The following LRRIQ4 variants were observed in gnomAD, a reference collection of about 807,000 sequenced individuals.
LRRIQ4 encodes leucine-rich repeat and IQ domain-containing protein 4.
LRRIQ4 carries 21 observed loss-of-function variants against 40.1 expected under a neutral mutation model. That is an observed-to-expected ratio of 0.52 (90% CI 0.37 to 0.75). The LOEUF is 0.75. LRRIQ4 is among the 30% of genes least tolerant of loss of function. The pLI is 0.00. For synonymous variants in LRRIQ4, 277 were observed against 277.1 expected, an observed-to-expected ratio of 1.00 and a Z score of 0.00; for missense variants, 655 against 660.0, an observed-to-expected ratio of 0.99 and a Z score of 0.08.
intron 2 of LRRIQ4, among the ~76,000 whole-genome samples, chr3:169,825,486 C>A (rs1560612494): frequency 6.6e-6 from 1 of 152,154 alleles, no homozygotes; most frequent in Non-Finnish European, 1.5e-5. Context: ...TTTTGAGGTT[C>A]CGTGAGAGCC....
chr3:169,834,467 G>A (rs1780261259), intron 5 of LRRIQ4, among the ~76,000 whole-genome samples: 1 of 152,210 alleles, frequency 6.6e-6, no homozygotes, highest in Non-Finnish European at 1.5e-5. Context: ...TTGAAAAACT[G>A]TGCACCCTCT....
chr3:169,828,044 A>G (rs1285750646), intron 2 of LRRIQ4, among the ~76,000 whole-genome samples: 1 of 152,208 alleles, frequency 6.6e-6, no homozygotes. Flanking sequence ...TTTCAACTGA[A>G]GTTTCAAAAT....
chr3:169,821,633 T>C (rs1455893404), intron 1 of LRRIQ4, among the ~76,000 whole-genome samples: 1 of 151,338 alleles, frequency 6.6e-6, no homozygotes, highest in Admixed American at 6.6e-5. Flanking sequence ...AAAGCGAAAC[T>C]CCGTCTCAAA....
chr3:169,835,364 C>CTTTGTGTGTGTGTGTGTGTGTGTG (rs56344833), intron 5 of LRRIQ4, among the ~76,000 whole-genome samples: 2 of 146,396 alleles, frequency 1.4e-5, no homozygotes, highest in African/African-American at 2.5e-5. Flanking sequence ...TTGTCTTTTT[C>CTTTGTGTGTGTGTGTGTGTGTGTG]TGTGTGTGTG....
rs189675784 is a variant in LRRIQ4 at position 169,815,291 on chromosome 3, G to T, written c.-32+2245G>T. Among the ~76,000 whole-genome samples, 86 of 151,614 alleles carry T rather than the reference G, an allele frequency of 5.7e-4. 1 individual carries two copies. In the East Asian group the frequency reaches 0.015, roughly 27 times the overall value. On this transcript the variant is annotated intron_variant, in intron 1 of 5. Coordinates refer to ENST00000340806, the MANE Select transcript of LRRIQ4 (RefSeq NM_001080460.3). ...AACATAAAATATCTTTCCTTTTTTT[G>T]TGTGTGTGTCCTCTTTAATTTCTTA...
intron 1 of LRRIQ4, among the ~76,000 whole-genome samples, chr3:169,814,028 T>C (rs1476352137): frequency 1.3e-5 from 2 of 152,080 alleles, no homozygotes; most frequent in Admixed American, 1.3e-4. Flanking sequence ...AGTTTTGCTG[T>C]GTATAGGCGG....
intron 2 of LRRIQ4, among the ~76,000 whole-genome samples, chr3:169,823,383 TA>T (rs1779963813): frequency 6.6e-6 from 1 of 151,186 alleles, no homozygotes; most frequent in Admixed American, 6.6e-5. Flanking sequence ...AGTCTAGCTC[TA>T]TTGCACAGGC....
At chr3:169,830,837 G>A (rs1186601380) in intron 4 of LRRIQ4, among the ~76,000 whole-genome samples, 6 of 152,320 alleles carry the variant, frequency 3.9e-5, no homozygotes, top group Middle Eastern at 3.4e-3. Context: ...AGGCAGTTAA[G>A]TCATTTATTA....
intron 1 of LRRIQ4, among the ~76,000 whole-genome samples, chr3:169,815,031 A>T (rs1237169193): frequency 2.0e-5 from 3 of 152,172 alleles, no homozygotes; most frequent in African/African-American, 7.2e-5. Context: ...TAGTTTGGCT[A>T]CTTTAGCTCT....
At chr3:169,833,731 T>C (rs1780238616) in intron 5 of LRRIQ4, among the ~76,000 whole-genome samples, 1 of 152,168 alleles carries the variant, frequency 6.6e-6, no homozygotes, top group Non-Finnish European at 1.5e-5. Flanking sequence ...CACAGCCGGA[T>C]AACTACATAA....
Position 169,828,945 on chromosome 3 carries a change from A to G in LRRIQ4, c.1194+13A>G. 1.3e-6 allele frequency: 2 copies of G among 1,597,798 alleles called. No individual in the cohort carries two copies. The stretch of plus-strand genomic sequence containing the variant: ...TAGGAAACTGCAGGTAAGCCTCCCC[A>G]AATGAGCAGGCTAAGAAGCACCTGT... On this transcript the variant is annotated intron_variant, in intron 3 of 5. Transcript: ENST00000340806.
chr3:169,812,981 A>AT lies in LRRIQ4; in HGVS notation c.-97_-96insT, dbSNP rs1779659825. The stretch of plus-strand genomic sequence containing the variant: ...CAGGGAGGGCTTCCTGAAGGAGGTG[A>AT]CATCTGGATGGTCCGAAGGAGGCTG... On this transcript the variant is annotated 5_prime_UTR_variant, in exon 1 of 6. The change abolishes the stop of an existing upstream ORF in the 5' untranslated region. Transcript: ENST00000340806. This position sits in a 1 kb window ranked among gnomAD's most constrained non-coding sequence, Gnocchi z 4.3. 4 of 166,114 alleles carry AT rather than the reference A, an allele frequency of 2.4e-5. No homozygotes were observed. The highest frequency in any genetic ancestry group is 9.6e-5 in the African/African-American group (4 of 41,736). 10.3% of individuals were successfully genotyped at this position (166,114 alleles called of 1,614,324 possible).
chr3:169,822,496 T>G lies in LRRIQ4; in HGVS notation c.575T>G (p.Ile192Ser), dbSNP rs1207294337. ...CTCTGTGTTCTCTACACCCTGGAAA[T>G]CATTGACCTGGACGAGAACAAAATA... ...QELCVLYTLE[I>S]IDLDENKIGA... The change falls in exon 2 of 6, where the codon ATC becomes AGC. Residue 192 changes from isoleucine (I) to serine (S), a missense_variant. Physicochemically the swap from Ile to Ser is moderately radical, Grantham distance 142. Transcript: ENST00000340806. 1.2e-6 allele frequency: 2 copies of G among 1,613,862 alleles called. No individual in the cohort carries two copies. Among genetic ancestry groups the G allele is most frequent in the Non-Finnish European group, 1.7e-6 (2 of 1,179,900 alleles).
chr3:169,822,242 C>G lies in LRRIQ4; in HGVS notation c.321C>G (p.Phe107Leu). ...TGGACCTGAGCTACAACCCCATCTT[C>G]TCCTCCTCCCTTGTCGTTGTCAGCT... ...ESLDLSYNPI[F>L]SSSLVVVSFL... The change falls in exon 2 of 6, where the codon TTC (phenylalanine) becomes TTG (leucine). Residue 107 changes from phenylalanine to leucine, a missense_variant. By Grantham distance (22) the Phe-to-Leu change is conservative. Transcript: ENST00000340806. The G allele has an allele frequency of 1.9e-6, 3 of 1,606,276 alleles. No homozygotes were observed. The highest frequency in any genetic ancestry group is 2.5e-6 in the Non-Finnish European group (3 of 1,176,968).
intron 4 of LRRIQ4, among the ~76,000 whole-genome samples, chr3:169,831,080 A>G (rs1253198559): frequency 6.6e-6 from 1 of 152,002 alleles, no homozygotes; most frequent in African/African-American, 2.4e-5. Flanking sequence ...CTGGAAAACT[A>G]TATATGATTC....
chr3:169,827,478 G>A (rs1259845507), intron 2 of LRRIQ4, among the ~76,000 whole-genome samples: 1 of 151,742 alleles, frequency 6.6e-6, no homozygotes, highest in Non-Finnish European at 1.5e-5. Context: ...GTGGTGGTGG[G>A]CGCCTGTAGT....
chr3:169,819,730 GAT>G (rs1383807777), intron 1 of LRRIQ4, among the ~76,000 whole-genome samples: 1 of 152,166 alleles, frequency 6.6e-6, no homozygotes, highest in Admixed American at 6.5e-5. Flanking sequence ...TTATTGTGAA[GAT>G]TAATTAGGTT....
Position 169,822,769 on chromosome 3 carries a change from A to G in LRRIQ4, c.848A>G (p.His283Arg). 1.2e-6 allele frequency: 2 copies of G among 1,613,634 alleles called. No individual in the cohort carries two copies. Among genetic ancestry groups the G allele is most frequent in the Admixed American group, 1.7e-5 (1 of 59,982 alleles). ...CTCATTTGCAGGTGGACCTCGCTGC[A>G]CCTGCTCTACCTGGGAAACACCGGC... ...PRLICRWTSL[H>R]LLYLGNTGLH... Residue 283 changes from histidine (H) to arginine (R), a missense_variant, in exon 2 of 6, where the codon CAC becomes CGC. Physicochemically the swap from His to Arg is conservative, Grantham distance 29 (BLOSUM62 0). Coordinates refer to ENST00000340806, the MANE Select transcript of LRRIQ4 (RefSeq NM_001080460.3).
chr3:169,818,995 CAG>C (rs937779022), intron 1 of LRRIQ4, among the ~76,000 whole-genome samples: 2 of 152,168 alleles, frequency 1.3e-5, no homozygotes, highest in Admixed American at 6.5e-5. Flanking sequence ...ATGATTTTCT[CAG>C]GGGTTAGAGT....
Sources: allele counts gnomAD v4.1 joint callset (sites outside exome capture counted in the v4.1 genomes callset), GRCh38; gene constraint gnomAD v4.1.1; non-coding constraint Gnocchi (gnomAD v3.1); transcripts MANE v1.5; gene names NCBI Gene and HGNC (gene_info 2026-07-23, HGNC 2026-07-21).